Variants in HEMK2 observed in about 807,000 individuals in gnomAD.
HEMK2 encodes HemK methyltransferase 2, ETF1 glutamine and histone H4 lysine.
the HEMK2 span, among the ~76,000 whole-genome samples, chr21:28,718,687 T>G: frequency 6.6e-6 from 1 of 151,428 alleles, no homozygotes; most frequent in Non-Finnish European, 1.5e-5. Flanking sequence ...GCTTATATAA[T>G]AGAATCACTA....
the HEMK2 span, among the ~76,000 whole-genome samples, chr21:28,602,170 T>G: frequency 1.3e-5 from 2 of 152,234 alleles, no homozygotes; most frequent in African/African-American, 4.8e-5. Flanking sequence ...AAACTGGGCT[T>G]CGTTGGTTGT....
the HEMK2 span, among the ~76,000 whole-genome samples, chr21:28,720,907 AT>A: frequency 1.3e-5 from 2 of 152,184 alleles, no homozygotes; most frequent in Non-Finnish European, 2.9e-5. Flanking sequence ...TGTATATAGT[AT>A]TAGTAAATAA....
At chr21:28,863,455 TATATATATATATATAC>T in the HEMK2 span, among the ~76,000 whole-genome samples, 10 of 92,354 alleles carry the variant, frequency 1.1e-4, no homozygotes, top group Non-Finnish European at 1.7e-4. Context: ...TATATATATA[TATATATATATATATAC>T]TTCATTAGTT....
At chr21:28,795,468 C>T in the HEMK2 span, among the ~76,000 whole-genome samples, 5 of 152,320 alleles carry the variant, frequency 3.3e-5, no homozygotes, top group African/African-American at 1.2e-4. Context: ...ACAGACTCTG[C>T]TGGAGTCACA....
the HEMK2 span, among the ~76,000 whole-genome samples, chr21:28,754,346 T>C: frequency 6.6e-6 from 1 of 152,250 alleles, no homozygotes; most frequent in Non-Finnish European, 1.5e-5. Context: ...GTTCTGAACT[T>C]GGCGGAGCCT....
the HEMK2 span, among the ~76,000 whole-genome samples, chr21:28,606,331 T>G: frequency 3.8e-4 from 58 of 152,328 alleles, 1 homozygote; most frequent in South Asian, 7.2e-3. Flanking sequence ...TCATTACAAC[T>G]AAAACAGTGT....
the HEMK2 span, among the ~76,000 whole-genome samples, chr21:28,735,686 C>T: frequency 6.6e-6 from 1 of 152,122 alleles, no homozygotes; most frequent in Non-Finnish European, 1.5e-5. Context: ...GGTTTCAGAC[C>T]TTGGACTGCC....
chr21:28,712,663 C>G, the HEMK2 span, among the ~76,000 whole-genome samples: 2 of 152,168 alleles, frequency 1.3e-5, no homozygotes, highest in East Asian at 3.8e-4. Context: ...GAAAGTGACT[C>G]AAGACCTTGG....
chr21:28,712,162 C>T, the HEMK2 span, among the ~76,000 whole-genome samples: 1 of 152,148 alleles, frequency 6.6e-6, no homozygotes, highest in Non-Finnish European at 1.5e-5. Flanking sequence ...TATACACAGC[C>T]TTTGAGAGGT....
the HEMK2 span, among the ~76,000 whole-genome samples, chr21:28,883,272 T>C: frequency 1.9e-4 from 29 of 152,158 alleles, no homozygotes; most frequent in Non-Finnish European, 8.8e-5. Flanking sequence ...ATATTTTGGG[T>C]ACGTAATATA....
At chr21:28,602,116 A>C in the HEMK2 span, among the ~76,000 whole-genome samples, 1 of 152,198 alleles carries the variant, frequency 6.6e-6, no homozygotes, top group Admixed American at 6.5e-5. Flanking sequence ...TCATTTAACT[A>C]TGAAGGAGAA....
the HEMK2 span, among the ~76,000 whole-genome samples, chr21:28,866,491 A>G: frequency 1.3e-5 from 2 of 151,758 alleles, no homozygotes; most frequent in Non-Finnish European, 2.9e-5. Context: ...ACAGTCTAAT[A>G]AGCATTAGTT....
chr21:28,638,927 A>G, the HEMK2 span, among the ~76,000 whole-genome samples: 2 of 152,186 alleles, frequency 1.3e-5, no homozygotes, highest in Non-Finnish European at 1.5e-5. Context: ...CATCACCACC[A>G]CATTCCATTT....
At chr21:28,770,529 T>G in the HEMK2 span, among the ~76,000 whole-genome samples, 1 of 152,100 alleles carries the variant, frequency 6.6e-6, no homozygotes, top group Non-Finnish European at 1.5e-5. Context: ...AAACTTAATC[T>G]CCAATGCAAC....
chr21:28,791,661 C>A, the HEMK2 span, among the ~76,000 whole-genome samples: 3 of 152,140 alleles, frequency 2.0e-5, no homozygotes, highest in Admixed American at 2.0e-4. Flanking sequence ...AGACCCACTA[C>A]TCTGGTGTCT....
the HEMK2 span, among the ~76,000 whole-genome samples, chr21:28,846,300 T>C: frequency 1.3e-5 from 2 of 152,188 alleles, no homozygotes; most frequent in Admixed American, 6.5e-5. Flanking sequence ...TTCTATTCCT[T>C]TGGATATATA....
At chr21:28,593,227 T>C in the HEMK2 span, among the ~76,000 whole-genome samples, 2 of 152,110 alleles carry the variant, frequency 1.3e-5, no homozygotes, top group Non-Finnish European at 2.9e-5. Context: ...ATTAAATTAC[T>C]TTCAGGCTAT....
At chr21:28,727,371 A>G in the HEMK2 span, among the ~76,000 whole-genome samples, 1 of 152,216 alleles carries the variant, frequency 6.6e-6, no homozygotes, top group Non-Finnish European at 1.5e-5. Context: ...GAAACCCAAA[A>G]ACTAAGAATC....
the HEMK2 span, among the ~76,000 whole-genome samples, chr21:28,852,053 T>A: frequency 1.3e-5 from 2 of 152,240 alleles, no homozygotes; most frequent in Non-Finnish European, 2.9e-5. Context: ...AAGATCCATC[T>A]GTCTTCTGTA....
Sources: gnomAD v4.1 joint callset for allele counts (sites outside exome capture counted in the v4.1 genomes callset) on GRCh38, gnomAD v4.1.1 for gene constraint, MANE v1.5 for transcripts, NCBI Gene and HGNC (gene_info 2026-07-23, HGNC 2026-07-21) for gene names.